The following SLC4A9 variants were observed in gnomAD, a reference collection of about 807,000 sequenced individuals.
SLC4A9 encodes solute carrier family 4 member 9.
SLC4A9 carries 102 observed loss-of-function variants against 103.2 expected under a neutral mutation model. The observed-to-expected ratio is 0.99, with a 90% CI of 0.84 to 1.17. The LOEUF (loss-of-function observed/expected upper bound fraction) is 1.17. SLC4A9 is among the 50% of genes most tolerant of loss of function. The pLI, the probability that SLC4A9 is intolerant of heterozygous loss-of-function variation, is 0.00. For synonymous variants in SLC4A9, 453 were observed against 483.6 expected (o/e 0.94, Z 0.83); for missense variants, 1,091 against 1,193.7 (o/e 0.91, Z 1.27).
At chr5:140,360,789 C>T in intron 1 of SLC4A9, 23 bp from the exon 2 acceptor site, 1 of 1,613,202 alleles carries the variant, frequency 6.2e-7, no homozygotes, top group Non-Finnish European at 8.5e-7. Context: ...CTCAATAACA[C>T]TGTCTACCCA....
At chr5:140,366,373 T>TGAAGA in intron 14 of SLC4A9, 109 bp downstream of exon 14, 1 of 756,152 alleles carries the variant, frequency 1.3e-6, no homozygotes, top group Non-Finnish European at 2.1e-6. Context: ...CTTTCTTCAC[T>TGAAGA]AATAAGCTAG....
intron 21 of SLC4A9, among the ~76,000 whole-genome samples, chr5:140,373,879 T>C (rs951066131): frequency 4.6e-5 from 7 of 152,152 alleles, no homozygotes; most frequent in Non-Finnish European, 1.5e-5. Flanking sequence ...AGCCTACAAC[T>C]GGTTGCCTTT....
In SLC4A9 at chr5:140,367,758, T is replaced by C; in HGVS notation, c.2214T>C (p.Ala738=). Residue 738 remains alanine (A), a synonymous_variant, in exon 16 of 22, where the codon GCT becomes GCC. Coordinates refer to ENST00000506757, the MANE Select transcript of SLC4A9 (RefSeq NM_031467.3). The part of the protein sequence containing the change: ...AGFHLDLFCV[A]VLMLLTSALG... ...TCCACCTGGACCTCTTCTGTGTGGC[T>C]GTGCTGATGCTACTCACATCAGCGC... is the stretch of plus-strand genomic sequence containing the variant. 8.1e-6 allele frequency: 13 copies of C among 1,614,010 alleles called. No homozygotes were observed. The highest frequency in any genetic ancestry group is 1.1e-5 in the Non-Finnish European group (13 of 1,179,890).
Position 140,364,549 on chromosome 5 carries a change from C to T in SLC4A9, c.1575C>T (p.Asn525=). The change falls in exon 11 of 22, where the codon AAC becomes AAT. Residue 525 remains asparagine, a synonymous_variant. Transcript: ENST00000506757. ...FIYDAVGKML[N]LTHTYPIQKP... is the part of the protein sequence containing the mutation. ...ACGATGCTGTGGGCAAAATGCTGAACTTGACCCATACCTATCCTATCCAGA... is the reference window on the plus strand; with the variant it reads ...ACGATGCTGTGGGCAAAATGCTGAATTTGACCCATACCTATCCTATCCAGA... 2 of 1,606,762 alleles carry T rather than the reference C, an allele frequency of 1.2e-6. No homozygotes were observed. Among genetic ancestry groups the T allele is most frequent in the Non-Finnish European group, 8.5e-7 (1 of 1,176,396 alleles).
intron 16 of SLC4A9, among the ~76,000 whole-genome samples, 169 bp downstream of exon 16, chr5:140,368,067 CCT>C (rs925486658): frequency 6.6e-6 from 1 of 152,144 alleles, no homozygotes; most frequent in African/African-American, 2.4e-5. Flanking sequence ...CAGATCTTCC[CCT>C]CTCTCCCCTC....
chr5:140,366,408 A>G, intron 14 of SLC4A9, 144 bp downstream of exon 14: 2 of 635,790 alleles, frequency 3.1e-6, no homozygotes, highest in South Asian at 2.0e-5. Flanking sequence ...ATGGCCTCAC[A>G]GGGTTGTCAT....
At position 140,361,955 on chromosome 5, in the gene SLC4A9, T is replaced by C. The variant is rs7718250; in HGVS notation, c.562-62T>C. 2.0e-3 allele frequency: 3,155 copies of C among 1,612,988 alleles called. 20 individuals carry two copies. The highest frequency in any genetic ancestry group is 0.019 in the African/African-American group (1,418 of 74,976). ...TACTCTCCACTGGATTTCTCATCAT[T>C]TGAGATCTTATCCTCCCCAAATAAC... is the stretch of plus-strand genomic sequence containing the variant. On this transcript the variant is annotated intron_variant, in intron 4 of 21. Coordinates refer to ENST00000506757, the MANE Select transcript of SLC4A9 (RefSeq NM_031467.3).
intron 14 of SLC4A9, 34 bp from the exon 15 acceptor site, chr5:140,367,386 C>T: frequency 6.2e-7 from 1 of 1,601,068 alleles, no homozygotes; most frequent in Non-Finnish European, 8.5e-7. Flanking sequence ...TTGGGAGACC[C>T]ACTCCAACCT....
intron 2 of SLC4A9, 101 bp downstream of exon 2, chr5:140,361,073 C>T: frequency 1.5e-6 from 2 of 1,291,496 alleles, no homozygotes; most frequent in Admixed American, 4.9e-5. Context: ...ATCCCTACCC[C>T]TCCTAGGATT....
Position 140,367,918 on chromosome 5 carries a change from A to G in SLC4A9, c.2354+20A>G, listed in dbSNP as rs1244065028. On this transcript the variant is annotated intron_variant, in intron 16 of 21. Transcript: ENST00000506757. ...TATCAGGTGAGGGCGGTATTTAGGA[A>G]GTGGAGTAAGAGGTGGGCAGCAAGG... 1 of 1,612,830 alleles carries G rather than the reference A, an allele frequency of 6.2e-7. No individual in the cohort carries two copies. Among genetic ancestry groups the G allele is most frequent in the Admixed American group, 1.7e-5 (1 of 59,858 alleles).
At chr5:140,372,983 G>A (rs1768950594) in intron 21 of SLC4A9, 140 bp downstream of exon 21, 5 of 516,212 alleles carry the variant, frequency 9.7e-6, no homozygotes, top group African/African-American at 2.0e-5. Context: ...GTGCTGGGGT[G>A]TAGAAGGGTC....
rs547845941 is a variant in SLC4A9, at chr5:140,364,476, G to A, written c.1502G>A (p.Arg501His). The A allele has an allele frequency of 3.7e-4, 593 of 1,612,560 alleles. 6 individuals carry two copies. The South Asian group carries it at 5.8e-3, about 16-fold the overall frequency. Reference sequence around the variant, plus strand: ...AGTGTGCTGGTGCGCTACTTCACCCGCTTCACTGAGGAAGGTTTCTGTGCC... The same window carrying A: ...AGTGTGCTGGTGCGCTACTTCACCCACTTCACTGAGGAAGGTTTCTGTGCC... Reference protein sequence around the residue: ...EASVLVRYFTRFTEEGFCALI... With the variant: ...EASVLVRYFTHFTEEGFCALI... The change falls in exon 11 of 22, where the codon CGC becomes CAC. Residue 501 changes from arginine to histidine, a missense_variant. Arg to His is a conservative substitution (Grantham distance 29). Coordinates refer to ENST00000506757, the MANE Select transcript of SLC4A9 (RefSeq NM_031467.3).
chr5:140,363,577 C>G lies in SLC4A9; in HGVS notation c.1079+22C>G. 1 of 1,552,306 alleles carries G rather than the reference C, an allele frequency of 6.4e-7. No individual in the cohort carries two copies. Among genetic ancestry groups the G allele is most frequent in the South Asian group, 1.2e-5 (1 of 84,258 alleles). ...GCAGGTGAGGCGAGCTGGGAGGAAA[C>G]AAGGGTAGGTGACCTGGGGGAGGGG... On this transcript the variant is annotated intron_variant, in intron 8 of 21. Coordinates refer to ENST00000506757, the MANE Select transcript of SLC4A9 (RefSeq NM_031467.3). The surrounding 1 kb of genome is among the most constrained non-coding windows in gnomAD (Gnocchi z 4.5).
chr5:140,373,369 T>C (rs1769015566), intron 21 of SLC4A9, among the ~76,000 whole-genome samples: 1 of 152,160 alleles, frequency 6.6e-6, no homozygotes. Flanking sequence ...AGTAAGACAG[T>C]CATGGTCCCT....
At chr5:140,362,594 A>G (rs1767263762) in intron 6 of SLC4A9, 62 bp downstream of exon 6, 1 of 1,434,044 alleles carries the variant, frequency 7.0e-7, no homozygotes, top group Non-Finnish European at 9.8e-7. Flanking sequence ...GTGTGTGCAC[A>G]CATGCATACA....
At chr5:140,366,592 C>T (rs1283672293) in intron 14 of SLC4A9, among the ~76,000 whole-genome samples, 1 of 152,200 alleles carries the variant, frequency 6.6e-6, no homozygotes, top group Non-Finnish European at 1.5e-5. Flanking sequence ...TTCTAAGCCT[C>T]AATTTCTTCG....
chr5:140,371,064 A>C (rs1283413190), intron 17 of SLC4A9, 31 bp from the exon 18 acceptor site: 1 of 1,595,724 alleles, frequency 6.3e-7, no homozygotes, highest in Non-Finnish European at 8.5e-7. Context: ...GCAGAGGTAA[A>C]CTTTGATAAC....
Position 140,365,563 on chromosome 5 carries a change from C to T in SLC4A9, c.1695C>T (p.Asp565=), listed in dbSNP as rs558497902. The T allele has an allele frequency of 2.1e-5, 34 of 1,612,086 alleles. No homozygotes were observed. In the Admixed American group the frequency reaches 2.7e-4, roughly 13 times the overall value. Residue 565 remains aspartate, a synonymous_variant, in exon 12 of 22, where the codon GAC becomes GAT. Transcript: ENST00000506757. ...TAAGGACAAGGCCAAAAGACAGAGA[C>T]GACATTGTAAGCATGGTGAGGGACT... is the stretch of plus-strand genomic sequence containing the variant. ...QWIRTRPKDR[D]DIVSMDLGLI... is the part of the protein sequence containing the mutation.
chr5:140,371,085 T>C lies in SLC4A9; in HGVS notation c.2428-10T>C, dbSNP rs780890853. On this transcript the variant is annotated splice_polypyrimidine_tract_variant and intron_variant, in intron 17 of 21. Transcript: ENST00000506757. Reference sequence around the variant, plus strand: ...GTAAACTTTGATAACTCTCTGCTTCTTTCTACCAGTTCATTCCAATGCCTG... The same window carrying C: ...GTAAACTTTGATAACTCTCTGCTTCCTTCTACCAGTTCATTCCAATGCCTG... 1 of 1,608,208 alleles carries C rather than the reference T, an allele frequency of 6.2e-7. No homozygotes were observed. Among genetic ancestry groups the C allele is most frequent in the Non-Finnish European group, 8.5e-7 (1 of 1,177,294 alleles).
Sources: gnomAD v4.1 joint callset for allele counts (sites outside exome capture counted in the v4.1 genomes callset) on GRCh38, gnomAD v4.1.1 for gene constraint, Gnocchi (gnomAD v3.1) non-coding constraint, MANE v1.5 for transcripts, NCBI Gene and HGNC (gene_info 2026-07-23, HGNC 2026-07-21) for gene names.